Variants in BDKRB2 observed in about 807,000 individuals in gnomAD.
BDKRB2 encodes bradykinin receptor B2.
A neutral mutation model predicts 4.0 loss-of-function variants in BDKRB2; 6 were observed. That is an observed-to-expected ratio of 1.49 (90% CI 0.81 to 2.93). The LOEUF (loss-of-function observed/expected upper bound fraction) is 2.93. BDKRB2 is among the 30% of genes most tolerant of loss of function. The pLI, the probability that BDKRB2 is intolerant of heterozygous loss-of-function variation, is 0.00. For synonymous variants in BDKRB2, 225 were observed against 215.3 expected, an observed-to-expected ratio of 1.05 and a Z score of -0.40; for missense variants, 478 against 520.1, an observed-to-expected ratio of 0.92 and a Z score of 0.79.
intron 1 of BDKRB2, among the ~76,000 whole-genome samples, chr14:96,222,069 G>A (rs913280156): frequency 6.6e-6 from 1 of 152,048 alleles, no homozygotes. Flanking sequence ...CAGCTGTAAG[G>A]CAGGGTTCCC....
chr14:96,236,955 CGTCCATTGA>C (rs1322035564), intron 1 of BDKRB2, 105 bp from the exon 2 acceptor site: 1 of 693,820 alleles, frequency 1.4e-6, no homozygotes, highest in Non-Finnish European at 2.6e-6. Context: ...ACTTCACAAA[CGTCCATTGA>C]GTCAGGGACT....
Position 96,243,870 on chromosome 14 carries a change from G to T in BDKRB2, c.*2366G>T. ...AAAAAAAAAAAAGAGGCTGTGTTTT[G>T]TCACACAGGGCAGTCATTCAGCACC... is the stretch of plus-strand genomic sequence containing the variant. On this transcript the variant is annotated 3_prime_UTR_variant, in exon 3 of 3. Transcript: ENST00000554311. The T allele has an allele frequency of 1.1e-5, 3 of 277,730 alleles. No homozygotes were observed. Among genetic ancestry groups the T allele is most frequent in the Non-Finnish European group, 1.3e-5 (2 of 150,386 alleles). The allele number at this position is 277,730 out of a possible 1,614,324, so 17.2% of individuals were successfully genotyped here. A position where few individuals can be genotyped will look rare whatever the true frequency, so the allele number is the denominator to read the frequency against.
At chr14:96,226,112 G>A (rs1047424257) in intron 1 of BDKRB2, among the ~76,000 whole-genome samples, 1 of 152,214 alleles carries the variant, frequency 6.6e-6, no homozygotes, top group African/African-American at 2.4e-5. Flanking sequence ...TTTTGGTTTT[G>A]CTCTCTGGTG....
intron 1 of BDKRB2, chr14:96,210,848 A>G (rs138805103): frequency 2.1e-4 from 32 of 152,324 alleles, no homozygotes; most frequent in African/African-American, 7.2e-4. Flanking sequence ...ACTTTGAAAC[A>G]AGCTACCTTA....
At chr14:96,223,177 C>A in intron 1 of BDKRB2, 1 of 1,155,290 alleles carries the variant, frequency 8.7e-7, no homozygotes, top group South Asian at 1.2e-5. Context: ...ACATGTCATG[C>A]TGCCCAAGGA....
At chr14:96,220,240 G>A (rs1038572194) in intron 1 of BDKRB2, among the ~76,000 whole-genome samples, 3 of 151,886 alleles carry the variant, frequency 2.0e-5, no homozygotes, top group Admixed American at 2.0e-4. Context: ...GTGGTCCTGG[G>A]CAAGTCAGAG....
At chr14:96,215,251 A>G (rs2369521) in intron 1 of BDKRB2, among the ~76,000 whole-genome samples, 46,627 of 152,078 alleles carry the variant, frequency 0.31, 7,246 homozygotes, top group South Asian at 0.44. Context: ...TTCCCCTAAC[A>G]TGTTATCAGA....
chr14:96,237,040 C>T lies in BDKRB2; in HGVS notation c.-39-29C>T, dbSNP rs199754959. On this transcript the variant is annotated intron_variant, in intron 1 of 2. Transcript: ENST00000554311. ...ATTTTGCAATCCCCAGCCCCTGTGC[C>T]ATCTAACCATCTTTTCTTCTCTGTT... 64 of 1,335,320 alleles carry T rather than the reference C, an allele frequency of 4.8e-5. No individual in the cohort carries two copies. In the Middle Eastern group the frequency reaches 9.1e-4, roughly 19 times the overall value. 82.7% of individuals were successfully genotyped at this position (1,335,320 alleles called of 1,614,324 possible).
Position 96,240,758 on chromosome 14 carries a change from A to T in BDKRB2, c.430A>T (p.Ser144Cys). The change falls in exon 3 of 3, where the codon AGC becomes TGC. Residue 144 changes from serine to cysteine, a missense_variant. Ser to Cys is a moderately radical substitution (Grantham distance 112). Transcript: ENST00000554311. ...CATTATCTCCATGAACCTGTACAGCAGCATCTGTTTCCTGATGCTGGTGAG... is the reference window on the plus strand; with the variant it reads ...CATTATCTCCATGAACCTGTACAGCTGCATCTGTTTCCTGATGCTGGTGAG... The part of the protein sequence containing the change: ...NAIISMNLYS[S>C]ICFLMLVSID... 1 of 1,574,084 alleles carries T rather than the reference A, an allele frequency of 6.4e-7. No individual in the cohort carries two copies. The highest frequency in any genetic ancestry group is 8.6e-7 in the Non-Finnish European group (1 of 1,161,282).
chr14:96,226,922 C>G (rs1001567809), intron 1 of BDKRB2, among the ~76,000 whole-genome samples: 1 of 152,220 alleles, frequency 6.6e-6, no homozygotes, highest in African/African-American at 2.4e-5. Context: ...ACCCTATGCT[C>G]AAGTCAGAAA....
chr14:96,232,801 C>T (rs1890846926), intron 1 of BDKRB2, among the ~76,000 whole-genome samples: 1 of 152,208 alleles, frequency 6.6e-6, no homozygotes, highest in African/African-American at 2.4e-5. Flanking sequence ...GGCCAAACTA[C>T]TTCCCTTGCT....
chr14:96,207,986 G>C (rs894991397), intron 1 of BDKRB2, among the ~76,000 whole-genome samples: 17 of 152,282 alleles, frequency 1.1e-4, no homozygotes, highest in African/African-American at 4.1e-4. Flanking sequence ...AGAATGGGGA[G>C]CTCACTACTT....
intron 2 of BDKRB2, chr14:96,238,437 T>C (rs1472439807): frequency 1.0e-6 from 1 of 981,790 alleles, no homozygotes; most frequent in African/African-American, 1.8e-5. Flanking sequence ...ATGAAGAATA[T>C]CAAGTAATTC....
rs1885378738 is a variant in BDKRB2, at chr14:96,244,153, G to A, written c.*2649G>A. Reference sequence around the variant, plus strand: ...TTTCTGTAGAGCATAATAAATGGATGAGGTTTTTGCATAGCTCTAGCATTT... The same window carrying A: ...TTTCTGTAGAGCATAATAAATGGATAAGGTTTTTGCATAGCTCTAGCATTT... On this transcript the variant is annotated 3_prime_UTR_variant, in exon 3 of 3. Coordinates refer to ENST00000554311, the MANE Select transcript of BDKRB2 (RefSeq NM_001379692.1). 4 of 398,512 alleles carry A rather than the reference G, an allele frequency of 1.0e-5. No homozygotes were observed. The highest frequency in any genetic ancestry group is 7.1e-5 in the East Asian group (2 of 28,092). The allele number at this position is 398,512 out of a possible 1,614,324, so 24.7% of individuals were successfully genotyped here. A position where few individuals can be genotyped will look rare whatever the true frequency, so the allele number is the denominator to read the frequency against.
chr14:96,220,129 C>A (rs1037798367), intron 1 of BDKRB2, among the ~76,000 whole-genome samples: 1 of 151,992 alleles, frequency 6.6e-6, no homozygotes, highest in Non-Finnish European at 1.5e-5. Context: ...TCTGTCAGCC[C>A]AGGGAAGCGC....
rs958780662 is a variant in BDKRB2, at chr14:96,219,486, G to C, written c.-40+14527G>C. 3.3e-5 allele frequency among the ~76,000 whole-genome samples: 5 copies of C among 151,862 alleles called. 1 individual carries two copies. The highest frequency in any genetic ancestry group is 7.3e-5 in the African/African-American group (3 of 41,226). On this transcript the variant is annotated intron_variant, in intron 1 of 2. Coordinates refer to ENST00000554311, the MANE Select transcript of BDKRB2 (RefSeq NM_001379692.1). ...TGCCCTTGGGGACTTCTGGACAAGG[G>C]TGGGCTTCTCTGGGCTGACAGAGGA...
Position 96,240,692 on chromosome 14 carries a change from G to A in BDKRB2, c.364G>A (p.Asp122Asn), listed in dbSNP as rs143890409. The A allele has an allele frequency of 4.8e-5, 77 of 1,599,278 alleles. No individual in the cohort carries two copies. In the Middle Eastern group the frequency reaches 1.5e-3, roughly 31 times the overall value. Residue 122 changes from aspartate to asparagine, a missense_variant, in exon 3 of 3, where the codon GAC becomes AAC. Asp to Asn is a conservative substitution (Grantham distance 23, BLOSUM62 1). Coordinates refer to ENST00000554311, the MANE Select transcript of BDKRB2 (RefSeq NM_001379692.1). ...FWAITISNNF[D>N]WLFGETLCRV... ...GGCCATCACCATCTCCAACAACTTC[G>A]ACTGGCTCTTTGGGGAGACGCTCTG...
Position 96,239,429 on chromosome 14 carries a change from G to A in BDKRB2, c.75-974G>A, listed in dbSNP as rs569557279. The A allele has an allele frequency of 4.4e-5, 43 of 985,424 alleles. 1 individual carries two copies. The South Asian group carries it at 1.7e-3, about 40-fold the overall frequency. 61.0% of individuals were successfully genotyped at this position (985,424 alleles called of 1,614,324 possible). A position where few individuals can be genotyped will look rare whatever the true frequency, so the allele number is the denominator to read the frequency against. On this transcript the variant is annotated intron_variant, in intron 2 of 2. Coordinates refer to ENST00000554311, the MANE Select transcript of BDKRB2 (RefSeq NM_001379692.1). ...GCCCCACGCCTCTGCTGAAGGTAGA[G>A]ATGAATTACAGCAACAAGTCTAGAA...
chr14:96,238,965 A>G (rs1885188780), intron 2 of BDKRB2: 3 of 985,398 alleles, frequency 3.0e-6, no homozygotes, highest in South Asian at 9.4e-5. Flanking sequence ...TTTAAAGGAT[A>G]GAAGCATTGA....
Sources: allele counts gnomAD v4.1 joint callset (sites outside exome capture counted in the v4.1 genomes callset), GRCh38; gene constraint gnomAD v4.1.1; transcripts MANE v1.5; gene names NCBI Gene and HGNC (gene_info 2026-07-23, HGNC 2026-07-21).